The following SRPK2 variants were observed in gnomAD, a reference collection of about 807,000 sequenced individuals.
The protein encoded by SRPK2 is SRSF protein kinase 2.
In SRPK2, 21 loss-of-function variants were observed where a neutral mutation model predicts 90.8. That is an observed-to-expected ratio of 0.23 (90% CI 0.16 to 0.33). The LOEUF (loss-of-function observed/expected upper bound fraction) is 0.33, where lower values mean the gene tolerates loss of function less well. Ranked by LOEUF, SRPK2 falls within the 10% of genes least tolerant of loss-of-function variation. The pLI, the probability that SRPK2 is intolerant of heterozygous loss-of-function variation, is 1.00. For missense variants in SRPK2, 620 were observed against 869.0 expected (o/e 0.71, Z 3.60); for synonymous variants, 288 against 311.1 (o/e 0.93, Z 0.78).
At chr7:105,193,754 T>C (rs1337541464) in intron 3 of SRPK2, among the ~76,000 whole-genome samples, 1 of 152,292 alleles carries the variant, frequency 6.6e-6, no homozygotes, top group East Asian at 1.9e-4. Context: ...AAGAAATATA[T>C]GCTCAATGCA....
intron 2 of SRPK2, chr7:105,204,501 G>A: frequency 2.8e-6 from 1 of 358,120 alleles, no homozygotes; most frequent in African/African-American, 2.1e-5. Context: ...CCCCAGTGCG[G>A]GGAAATAGGA....
At chr7:105,324,511 C>G (rs1296318076) in intron 2 of SRPK2, among the ~76,000 whole-genome samples, 1 of 152,176 alleles carries the variant, frequency 6.6e-6, no homozygotes, top group African/African-American at 2.4e-5. Context: ...GAAAATCTAG[C>G]TAATGAATGT....
intron 2 of SRPK2, among the ~76,000 whole-genome samples, chr7:105,223,484 A>G (rs954123298): frequency 6.6e-6 from 1 of 152,206 alleles, no homozygotes; most frequent in African/African-American, 2.4e-5. Flanking sequence ...TCTACCCTAT[A>G]AAAAGCCATT....
At position 105,383,419 on chromosome 7, in the gene SRPK2, AT is replaced by A. The variant is rs113732829; in HGVS notation, c.71+5228del. On this transcript the variant is annotated intron_variant, in intron 2 of 15. Transcript: ENST00000393651. ...TTACAAGAACAAAAAACAAAACAGAATTTTTTTTTTTTTTTAATTGAGACGG... is the reference window on the plus strand; with the variant it reads ...TTACAAGAACAAAAAACAAAACAGAATTTTTTTTTTTTTTAATTGAGACGG... Among the ~76,000 whole-genome samples the A allele has an allele frequency of 9.5e-3, 1,251 of 131,054 alleles. 11 individuals are homozygous for A. The highest frequency in any genetic ancestry group is 0.065 in the East Asian group (285 of 4,404). 86.0% of individuals were successfully genotyped at this position (131,054 alleles called of 152,430 possible). A position where few individuals can be genotyped will look rare whatever the true frequency, so the allele number is the denominator to read the frequency against.
Position 105,204,283 on chromosome 7 carries a change from A to C in SRPK2, c.72-498T>G, listed in dbSNP as rs982770147. On this transcript the variant is annotated intron_variant, in intron 2 of 15. Coordinates refer to ENST00000393651, the MANE Select transcript of SRPK2 (RefSeq NM_182692.3). ...GTGGCAATGAGGTTAGGTTTCAATA[A>C]CTCATAAAAGCTGATTAACATACAC... 3.9e-5 allele frequency among the ~76,000 whole-genome samples: 6 copies of C among 152,326 alleles called. No homozygotes were observed. In the Middle Eastern group the frequency reaches 0.014, roughly 345 times the overall value.
intron 3 of SRPK2, among the ~76,000 whole-genome samples, chr7:105,182,362 G>A (rs1792978296): frequency 6.6e-6 from 1 of 151,916 alleles, no homozygotes; most frequent in African/African-American, 2.4e-5. Flanking sequence ...TATGTTTGAG[G>A]CTGAGAAAGA....
At chr7:105,354,859 A>C (rs1403704734) in intron 2 of SRPK2, among the ~76,000 whole-genome samples, 2 of 152,148 alleles carry the variant, frequency 1.3e-5, no homozygotes, top group Non-Finnish European at 2.9e-5. Context: ...TTATCACCCC[A>C]AAAAGAAACA....
At chr7:105,176,560 T>C (rs1791878386) in intron 3 of SRPK2, among the ~76,000 whole-genome samples, 1 of 51,160 alleles carries the variant, frequency 2.0e-5, no homozygotes, top group Non-Finnish European at 6.6e-5. Context: ...TGCATATATG[T>C]GTGTGTGTGT....
At chr7:105,152,824 A>G (rs1805909039) in intron 7 of SRPK2, among the ~76,000 whole-genome samples, 1 of 152,142 alleles carries the variant, frequency 6.6e-6, no homozygotes, top group African/African-American at 2.4e-5. Context: ...TCACAAGGTC[A>G]GGAGATCCAG....
chr7:105,152,411 A>G (rs904577560), intron 7 of SRPK2, among the ~76,000 whole-genome samples: 1 of 152,162 alleles, frequency 6.6e-6, no homozygotes, highest in Non-Finnish European at 1.5e-5. Context: ...CGGCCTCCCA[A>G]AGTGCTAGGA....
intron 2 of SRPK2, among the ~76,000 whole-genome samples, chr7:105,259,430 A>C (rs527389274): frequency 6.6e-6 from 1 of 152,250 alleles, no homozygotes; most frequent in East Asian, 1.9e-4. Context: ...GATAGGAAGA[A>C]TCAATATCGT....
chr7:105,253,362 C>A (rs760396193), intron 2 of SRPK2, among the ~76,000 whole-genome samples: 13 of 152,178 alleles, frequency 8.5e-5, no homozygotes, highest in Admixed American at 8.5e-4. Flanking sequence ...CTTTAAAAGA[C>A]CTTACTTCAT....
chr7:105,234,859 T>C (rs913831939), intron 2 of SRPK2, among the ~76,000 whole-genome samples: 2 of 152,246 alleles, frequency 1.3e-5, no homozygotes, highest in Admixed American at 1.3e-4. Flanking sequence ...GAGAAGATGG[T>C]AACAGAATTT....
At position 105,145,021 on chromosome 7, in the gene SRPK2, G is replaced by C. The variant is rs763126177; in HGVS notation, c.813+262C>G. Among the ~76,000 whole-genome samples the C allele has an allele frequency of 4.2e-4, 63 of 150,782 alleles. 1 individual carries two copies. The Middle Eastern group carries it at 0.01, about 25-fold the overall frequency. On this transcript the variant is annotated intron_variant, in intron 9 of 15. Coordinates refer to ENST00000393651, the MANE Select transcript of SRPK2 (RefSeq NM_182692.3). ...CTCGGGAGGCTGAGGCACAAGAATCGTTTGAACCAGGGAGGGGGAGGTTGC... is the reference window on the plus strand; with the variant it reads ...CTCGGGAGGCTGAGGCACAAGAATCCTTTGAACCAGGGAGGGGGAGGTTGC...
At chr7:105,195,234 A>G (rs1042464920) in intron 3 of SRPK2, among the ~76,000 whole-genome samples, 5 of 152,202 alleles carry the variant, frequency 3.3e-5, no homozygotes, top group Admixed American at 1.3e-4. Context: ...TATCTTTAGT[A>G]GAGACAGGGC....
intron 2 of SRPK2, among the ~76,000 whole-genome samples, chr7:105,357,037 A>AT (rs35074269): frequency 0.022 from 3,110 of 142,954 alleles, 91 homozygotes; most frequent in African/African-American, 0.062. Flanking sequence ...GTAAACACTA[A>AT]TTTTTTTTTT....
At chr7:105,353,275 C>T (rs1263735561) in intron 2 of SRPK2, among the ~76,000 whole-genome samples, 2 of 152,116 alleles carry the variant, frequency 1.3e-5, no homozygotes, top group Non-Finnish European at 2.9e-5. Context: ...CATTTCTGTG[C>T]CTCAGTTCCT....
At chr7:105,307,446 C>A (rs978626695) in intron 2 of SRPK2, among the ~76,000 whole-genome samples, 1 of 152,176 alleles carries the variant, frequency 6.6e-6, no homozygotes, top group Non-Finnish European at 1.5e-5. Context: ...AATCACTGAC[C>A]AGCAGGAGAG....
In SRPK2 at chr7:105,388,632, C is replaced by G. The variant is rs201468375; in HGVS notation, c.71+16G>C. On this transcript the variant is annotated intron_variant, in intron 2 of 15. Coordinates refer to ENST00000393651, the MANE Select transcript of SRPK2 (RefSeq NM_182692.3). ...GGCGGGGGTGGGGAACGGGGACAGG[C>G]GCAGCGTGGACTCACTTTTTCGGAT... The G allele has an allele frequency of 3.8e-6, 6 of 1,577,096 alleles. No individual in the cohort carries two copies. The Middle Eastern group carries it at 1.0e-3, about 275-fold the overall frequency.
Sources: allele counts gnomAD v4.1 joint callset (sites outside exome capture counted in the v4.1 genomes callset), GRCh38; gene constraint gnomAD v4.1.1; transcripts MANE v1.5; gene names NCBI Gene and HGNC (gene_info 2026-07-23, HGNC 2026-07-21).